The following DAB1 variants were observed in gnomAD, a reference collection of about 807,000 sequenced individuals.
The protein encoded by DAB1 is disabled homolog 1.
Under a neutral mutation model 64.6 loss-of-function variants are expected in DAB1, and 15 were observed. The observed-to-expected ratio is 0.23, with a 90% CI of 0.16 to 0.36. The LOEUF is 0.36. DAB1 is among the 10% of genes least tolerant of loss of function. The probability of loss-of-function intolerance (pLI) is 1.00; values close to 1 mark genes in which losing one functional copy is unlikely to be tolerated. For synonymous variants in DAB1, 235 were observed against 251.9 expected (o/e 0.93, Z 0.64); for missense variants, 596 against 706.7 (o/e 0.84, Z 1.78).
chr1:58,115,244 T>C (rs1293521138), intron 5 of DAB1, among the ~76,000 whole-genome samples: 2 of 66,102 alleles, frequency 3.0e-5, no homozygotes, highest in South Asian at 6.3e-4. Flanking sequence ...GAAATGCTCA[T>C]CATCACTGGC....
intron 1 of DAB1, chr1:58,539,158 A>G (rs755315245): frequency 1.6e-5 from 14 of 872,846 alleles, no homozygotes; most frequent in Non-Finnish European, 2.8e-5. Flanking sequence ...CTTATTTACT[A>G]TATGGTTAAC....
At chr1:57,858,791 A>G (rs1280815272) in intron 1 of DAB1, among the ~76,000 whole-genome samples, 1 of 149,670 alleles carries the variant, frequency 6.7e-6, no homozygotes, top group Non-Finnish European at 1.5e-5. Flanking sequence ...GGCATTCTAG[A>G]TGGGCTGAGA....
chr1:57,365,047 T>C (rs938765699), intron 1 of DAB1, among the ~76,000 whole-genome samples: 2 of 132,152 alleles, frequency 1.5e-5, no homozygotes, highest in African/African-American at 2.9e-5. Context: ...TCATAAATCA[T>C]CCACATACGC....
chr1:58,049,325 T>G (rs1449718489), intron 5 of DAB1: 8 of 649,330 alleles, frequency 1.2e-5, no homozygotes, highest in Admixed American at 2.3e-5. Context: ...TAACGATGCT[T>G]CTTCGGCGGC....
chr1:57,050,276 C>T (rs1649049313), intron 9 of DAB1, among the ~76,000 whole-genome samples: 1 of 152,176 alleles, frequency 6.6e-6, no homozygotes, highest in Non-Finnish European at 1.5e-5. Flanking sequence ...TCCTGACCTG[C>T]CAAGCCACCT....
chr1:58,156,616 C>T (rs537246382), intron 4 of DAB1, among the ~76,000 whole-genome samples: 26 of 152,198 alleles, frequency 1.7e-4, no homozygotes, highest in Middle Eastern at 3.4e-3. Context: ...GGGCAGGGTA[C>T]CTAGTCCTGA....
At position 58,145,203 on chromosome 1, in the gene DAB1, C is replaced by T. The variant is rs188853166; in HGVS notation, n.387+5308G>A. Among the ~76,000 whole-genome samples, 6 of 152,302 alleles carry T rather than the reference C, an allele frequency of 3.9e-5. No homozygotes were observed. The East Asian group carries it at 5.8e-4, about 15-fold the overall frequency. On this transcript the variant is annotated intron_variant and non_coding_transcript_variant, in intron 5 of 20. Coordinates refer to the DAB1 transcript ENST00000485760. ...CTTTCACAGTGAGGTGCCATCCTGC[C>T]GGAGGATGCGGGAATGGTGAGATGG...
At chr1:57,484,438 C>A (rs1383459907) in intron 7 of DAB1, among the ~76,000 whole-genome samples, 5 of 152,306 alleles carry the variant, frequency 3.3e-5, no homozygotes, top group Non-Finnish European at 7.4e-5. Flanking sequence ...TGCAACTGAA[C>A]AAATGGTCCT....
At chr1:58,170,421 T>C (rs1656100900) in intron 4 of DAB1, among the ~76,000 whole-genome samples, 1 of 152,120 alleles carries the variant, frequency 6.6e-6, no homozygotes, top group Non-Finnish European at 1.5e-5. Flanking sequence ...ATAAGTTTAT[T>C]ACCCAATCAG....
At chr1:57,296,767 G>T (rs1011775609) in intron 1 of DAB1, among the ~76,000 whole-genome samples, 2 of 152,114 alleles carry the variant, frequency 1.3e-5, no homozygotes, top group Non-Finnish European at 2.9e-5. Flanking sequence ...AGCAGAACAG[G>T]TGCTGACTGG....
chr1:57,394,688 C>G (rs966808054), intron 1 of DAB1, among the ~76,000 whole-genome samples: 10 of 152,172 alleles, frequency 6.6e-5, no homozygotes, highest in African/African-American at 2.4e-4. Flanking sequence ...GAACAGGGAG[C>G]ATTTTCATGT....
rs12568992 is a variant in DAB1, at chr1:57,226,477, G to A, written c.67+64487C>T. Among the ~76,000 whole-genome samples, 1,161 of 151,828 alleles carry A rather than the reference G, an allele frequency of 7.6e-3. 31 individuals are homozygous for A. The East Asian group carries it at 0.081, about 11-fold the overall frequency. On this transcript the variant is annotated intron_variant, in intron 2 of 14. Coordinates refer to ENST00000371236, the MANE Select transcript of DAB1 (RefSeq NM_001365792.1). ...TCCAAACTCCTGCTAAGCTCCATAG[G>A]CTCTATCTTTAAAATCTAGGCAGAA...
chr1:57,274,296 A>C (rs1671281627), intron 2 of DAB1, among the ~76,000 whole-genome samples: 1 of 152,222 alleles, frequency 6.6e-6, no homozygotes, highest in African/African-American at 2.4e-5. Context: ...ACTGAAAATA[A>C]GATAGAGGCT....
chr1:58,032,955 C>T (rs554194560), intron 5 of DAB1, among the ~76,000 whole-genome samples: 1 of 152,332 alleles, frequency 6.6e-6, no homozygotes, highest in East Asian at 1.9e-4. Flanking sequence ...TCACATTCAT[C>T]AGTCCAAAGT....
chr1:58,124,796 C>T (rs149232808), intron 5 of DAB1, among the ~76,000 whole-genome samples: 58 of 152,218 alleles, frequency 3.8e-4, no homozygotes, highest in Non-Finnish European at 6.0e-4. Flanking sequence ...AGAATTATAA[C>T]GTCACATTCC....
chr1:57,542,108 A>G (rs1348696714), intron 7 of DAB1, among the ~76,000 whole-genome samples: 4 of 152,174 alleles, frequency 2.6e-5, no homozygotes, highest in African/African-American at 9.7e-5. Context: ...AAATAGAAAA[A>G]TGTATGTGAT....
intron 4 of DAB1, among the ~76,000 whole-genome samples, chr1:57,108,048 G>T (rs514594): frequency 0.8 from 122,426 of 152,084 alleles, 49,450 homozygotes; most frequent in East Asian, 0.98. Context: ...GCTATTCAGT[G>T]TCAGCTTTGG....
At chr1:58,300,612 G>GAAAGAAAGGA (rs1456432665) in intron 4 of DAB1, among the ~76,000 whole-genome samples, 1 of 44,552 alleles carries the variant, frequency 2.2e-5, no homozygotes, top group African/African-American at 7.4e-5. Context: ...AAGAAAGAAA[G>GAAAGAAAGGA]AGAGAGAGAG....
chr1:58,254,329 C>A (rs1374436368), intron 4 of DAB1, among the ~76,000 whole-genome samples: 1 of 152,050 alleles, frequency 6.6e-6, no homozygotes, highest in Non-Finnish European at 1.5e-5. Flanking sequence ...CTACCCCACC[C>A]ACCTCCTTTG....
Sources: gnomAD v4.1 joint callset for allele counts (sites outside exome capture counted in the v4.1 genomes callset) on GRCh38, gnomAD v4.1.1 for gene constraint, MANE v1.5 for transcripts, NCBI Gene and HGNC (gene_info 2026-07-23, HGNC 2026-07-21) for gene names.